Variants in NEB observed in about 807,000 individuals in gnomAD.
The protein encoded by NEB is nemaline myopathy type 2.
A neutral mutation model predicts 952.2 loss-of-function variants in NEB; 512 were observed. That is an observed-to-expected ratio of 0.54 (90% CI 0.50 to 0.58). The LOEUF is 0.58. NEB is among the 20% of genes least tolerant of loss of function. The probability of loss-of-function intolerance (pLI) is 0.00; values close to 1 mark genes in which losing one functional copy is unlikely to be tolerated. For missense variants in NEB, 8,428 were observed against 9,231.1 expected (o/e 0.91, Z 3.56); for synonymous variants, 2,900 against 3,149.8 (o/e 0.92, Z 2.66).
chr2:151,655,887 A>G lies in NEB; in HGVS notation c.6632T>C (p.Phe2211Ser). Residue 2211 changes from phenylalanine (F) to serine (S), a missense_variant, in exon 50 of 182, where the codon TTC becomes TCC. By Grantham distance (155) the Phe-to-Ser change is radical. Transcript: ENST00000397345. Reference protein sequence around the residue: ...DQKYRQHPSNFQFKKLTDSMD... With the variant: ...DQKYRQHPSNSQFKKLTDSMD... Reference sequence around the variant, plus strand: ...GGAATCAGTCAGCTTCTTAAACTGGAAGTTGCTCGGGTGCTGGCGGTATTT... The same window carrying G: ...GGAATCAGTCAGCTTCTTAAACTGGGAGTTGCTCGGGTGCTGGCGGTATTT... 6.2e-7 allele frequency: 1 copy of G among 1,613,678 alleles called. No individual in the cohort carries two copies. Among genetic ancestry groups the G allele is most frequent in the Non-Finnish European group, 8.5e-7 (1 of 1,179,768 alleles).
At chr2:151,621,580 A>C (rs1289952907) in intron 71 of NEB, among the ~76,000 whole-genome samples, 4 of 152,234 alleles carry the variant, frequency 2.6e-5, no homozygotes, top group African/African-American at 9.6e-5. Flanking sequence ...AAGATTTAGG[A>C]GTCAAAACTG....
chr2:151,633,802 G>A lies in NEB; in HGVS notation c.9266C>T (p.Pro3089Leu), dbSNP rs890081643. ...CAGCACCACCCCCAGCATGTCCACT[G>A]GGCTGCTGAACTTGGTCTTCCACTT... Reference protein sequence around the residue: ...FEKWKTKFSSPVDMLGVVLAK... With the variant: ...FEKWKTKFSSLVDMLGVVLAK... Residue 3089 changes from proline (P) to leucine (L), a missense_variant, in exon 65 of 182, where the codon CCA (proline) becomes CTA (leucine). Physicochemically the swap from Pro to Leu is moderately conservative, Grantham distance 98. Around this residue, in one of 11 missense-constraint regions of NEB, gnomAD observed 1,772 missense variants for 1,960.3 expected, o/e 0.90. Transcript: ENST00000397345. The A allele has an allele frequency of 1.9e-6, 3 of 1,613,766 alleles. No individual in the cohort carries two copies.
chr2:151,548,810 T>G (rs546496124), intron 130 of NEB, among the ~76,000 whole-genome samples: 5 of 152,136 alleles, frequency 3.3e-5, no homozygotes, highest in African/African-American at 1.2e-4. Context: ...AACACATCCT[T>G]TAGGTGTTAG....
intron 3 of NEB, among the ~76,000 whole-genome samples, chr2:151,730,615 TGAAAAAAA>T (rs2099804806): frequency 1.4e-5 from 1 of 73,560 alleles, no homozygotes; most frequent in Non-Finnish European, 3.1e-5. Context: ...CATTTCTTAG[TGAAAAAAA>T]AAAAAAAAAA....
At chr2:151,727,952 T>C (rs1320405896) in intron 4 of NEB, 46 bp from the exon 5 acceptor site, 2 of 1,438,588 alleles carry the variant, frequency 1.4e-6, no homozygotes. Context: ...AAGTAAAAAC[T>C]GTGCTACTGT....
intron 80 of NEB, 44 bp from the exon 81 acceptor site, chr2:151,610,164 C>G: frequency 6.7e-7 from 1 of 1,489,104 alleles, no homozygotes; most frequent in Non-Finnish European, 9.2e-7. Context: ...GTTTTAAAAC[C>G]ATGCTCATGT....
intron 124 of NEB, among the ~76,000 whole-genome samples, chr2:151,558,461 A>G (rs1203295827): frequency 6.6e-6 from 1 of 152,178 alleles, no homozygotes; most frequent in Non-Finnish European, 1.5e-5. Flanking sequence ...TATAGATTCA[A>G]TGCTATCCCC....
intron 141 of NEB, among the ~76,000 whole-genome samples, chr2:151,536,537 A>G (rs1315424158): frequency 1.3e-5 from 2 of 152,138 alleles, no homozygotes; most frequent in African/African-American, 4.8e-5. Context: ...CTAGCATGCC[A>G]CCTGTTTTTA....
In NEB at chr2:151,650,240, A is replaced by G; in HGVS notation, c.7367T>C (p.Phe2456Ser). The G allele has an allele frequency of 6.2e-7, 1 of 1,613,944 alleles. No homozygotes were observed. Among genetic ancestry groups the G allele is most frequent in the Non-Finnish European group, 8.5e-7 (1 of 1,179,864 alleles). Residue 2456 changes from phenylalanine to serine, a missense_variant, in exon 54 of 182, where the codon TTC becomes TCC. By Grantham distance (155) the Phe-to-Ser change is radical. Coordinates refer to ENST00000397345, the MANE Select transcript of NEB (RefSeq NM_001164508.2). Reference protein sequence around the residue: ...KYRQPPDRNKFTSIPDAMDIV... With the variant: ...KYRQPPDRNKSTSIPDAMDIV... The stretch of plus-strand genomic sequence containing the variant: ...ATCCATGGCATCAGGAATGCTGGTG[A>G]ACTTGTTTCTGTCTGGAGGCTGACG...
At chr2:151,703,062 CA>C in intron 13 of NEB, among the ~76,000 whole-genome samples, 1 of 151,178 alleles carries the variant, frequency 6.6e-6, no homozygotes. Context: ...CTGGTGGTGA[CA>C]AAATCTCTCA....
intron 68 of NEB, 134 bp from the exon 69 acceptor site, chr2:151,627,968 C>T (rs2098555902): frequency 8.2e-7 from 1 of 1,214,084 alleles, no homozygotes; most frequent in Admixed American, 2.8e-5. Flanking sequence ...CAGTTTATCT[C>T]CTCATCCTAA....
intron 119 of NEB, among the ~76,000 whole-genome samples, chr2:151,563,139 A>G (rs919217560): frequency 1.3e-5 from 2 of 150,672 alleles, no homozygotes; most frequent in African/African-American, 4.9e-5. Flanking sequence ...CTCAGCATCC[A>G]GAGTAACTAG....
chr2:151,538,844 T>C (rs893093825), intron 138 of NEB, among the ~76,000 whole-genome samples: 1 of 152,038 alleles, frequency 6.6e-6, no homozygotes, highest in Non-Finnish European at 1.5e-5. Context: ...GAGAATATCA[T>C]AGATGATTCA....
Position 151,490,495 on chromosome 2 carries a change from C to T in NEB, c.25174G>A (p.Glu8392Lys), listed in dbSNP as rs121913662. The change falls in exon 180 of 182, where the codon GAG becomes AAG. Residue 8392 changes from glutamate (E) to lysine (K), a missense_variant. By Grantham distance (56) the Glu-to-Lys change is moderately conservative. Coordinates refer to ENST00000397345, the MANE Select transcript of NEB (RefSeq NM_001164508.2). ...INVQAQRRSR[E>K]QSRSASALSI... ...AGTGCACTGGCAGATCGTGACTGCT[C>T]CCGGCTCCGGCGCTGAGCTTGGACT... 39 of 1,609,222 alleles carry T rather than the reference C, an allele frequency of 2.4e-5. No homozygotes were observed. The South Asian group carries it at 3.9e-4, about 16-fold the overall frequency.
At chr2:151,489,937 A>G (rs1196538937) in intron 181 of NEB, 34 bp downstream of exon 181, 9 of 1,482,634 alleles carry the variant, frequency 6.1e-6, no homozygotes, top group Non-Finnish European at 8.5e-6. Context: ...AAAAATTAAG[A>G]ATAATTTATT....
At chr2:151,613,787 C>T (rs1297498649) in intron 77 of NEB, among the ~76,000 whole-genome samples, 2 of 152,162 alleles carry the variant, frequency 1.3e-5, no homozygotes, top group Non-Finnish European at 2.9e-5. Context: ...TCCTGCTCCA[C>T]CATGTGAAGA....
intron 179 of NEB, 147 bp downstream of exon 179, chr2:151,491,536 A>C: frequency 3.0e-6 from 2 of 669,844 alleles, no homozygotes; most frequent in African/African-American, 1.8e-5. Context: ...TTTGCTCACT[A>C]GTTAACAAGG....
rs2070582066 is a variant in NEB, at chr2:151,507,846, G to A, written c.23451+159C>T. ...CTGTGATTTGGGATTAAGATACAAGGTGAGCCCAGAGATGAATTGGGCACA... is the reference window on the plus strand; with the variant it reads ...CTGTGATTTGGGATTAAGATACAAGATGAGCCCAGAGATGAATTGGGCACA... On this transcript the variant is annotated intron_variant, in intron 162 of 181. Coordinates refer to ENST00000397345, the MANE Select transcript of NEB (RefSeq NM_001164508.2). The A allele has an allele frequency of 4.9e-5, 30 of 607,292 alleles. 1 individual carries two copies. In the South Asian group the frequency reaches 6.3e-4, roughly 13 times the overall value. 37.6% of individuals were successfully genotyped at this position (607,292 alleles called of 1,614,324 possible).
At chr2:151,705,838 A>G (rs2099703726) in intron 13 of NEB, among the ~76,000 whole-genome samples, 1 of 152,204 alleles carries the variant, frequency 6.6e-6, no homozygotes, top group Non-Finnish European at 1.5e-5. Flanking sequence ...ACCAAATATC[A>G]TATGCTCTCA....
Sources: allele counts gnomAD v4.1 joint callset (sites outside exome capture counted in the v4.1 genomes callset), GRCh38; gene constraint gnomAD v4.1.1; regional missense constraint gnomAD v4.1.1; transcripts MANE v1.5; gene names NCBI Gene and HGNC (gene_info 2026-07-23, HGNC 2026-07-21).